The following RNF40 variants were observed in gnomAD, a reference collection of about 807,000 sequenced individuals.
RNF40 encodes ring finger protein 40, also known as E3 ubiquitin-protein ligase BRE1B.
Under a neutral mutation model 123.3 loss-of-function variants are expected in RNF40, and 39 were observed. The ratio of observed to expected loss-of-function variants is 0.32; its 90% confidence interval spans 0.24 to 0.41. The LOEUF (loss-of-function observed/expected upper bound fraction) is 0.41. Ranked by LOEUF, RNF40 falls within the 10% of genes least tolerant of loss-of-function variation. The pLI is 1.00. For synonymous variants in RNF40, 538 were observed against 526.0 expected, an observed-to-expected ratio of 1.02 and a Z score of -0.31; for missense variants, 1,003 against 1,319.9, an observed-to-expected ratio of 0.76 and a Z score of 3.72.
At position 30,762,616 on chromosome 16, in the gene RNF40, G is replaced by T; in HGVS notation, c.71G>T (p.Arg24Leu). ...GSGPPEKKLS[R>L]EEKTTTTLIE... ...GGGCCCCCGGAAAAGAAGCTGAGTC[G>T]TGAGGAGAAGACCACCACGACTCTT... Residue 24 changes from arginine to leucine, a missense_variant, in exon 2 of 20, where the codon CGT becomes CTT. Physicochemically the swap from Arg to Leu is moderately radical, Grantham distance 102 (BLOSUM62 -2). Transcript: ENST00000324685. The T allele has an allele frequency of 6.2e-7, 1 of 1,611,678 alleles. No individual in the cohort carries two copies. Among genetic ancestry groups the T allele is most frequent in the Non-Finnish European group, 8.5e-7 (1 of 1,179,720 alleles).
At position 30,773,994 on chromosome 16, in the gene RNF40, G is replaced by A. The variant is rs1299070809; in HGVS notation, c.2886G>A (p.Lys962=). ...GCAAGAAGGATGCAGTCCTTACCAA[G>A]TGCTTCCACGTTTTCTGCTTCGAGT... ...NTRKKDAVLT[K]CFHVFCFECV... Residue 962 remains lysine, a synonymous_variant, in exon 20 of 20, where the codon AAG becomes AAA. Transcript: ENST00000324685. The A allele has an allele frequency of 1.2e-6, 2 of 1,614,104 alleles. No individual in the cohort carries two copies.
At chr16:30,764,093 G>C in intron 4 of RNF40, 86 bp from the exon 5 acceptor site, 6 of 1,044,668 alleles carry the variant, frequency 5.7e-6, no homozygotes, top group Non-Finnish European at 8.4e-6. Context: ...TGAACCATGA[G>C]TATTGAAGGG....
In RNF40 at chr16:30,767,936, A is replaced by C; in HGVS notation, c.1472A>C (p.Gln491Pro). 1 of 1,614,178 alleles carries C rather than the reference A, an allele frequency of 6.2e-7. No individual in the cohort carries two copies. Among genetic ancestry groups the C allele is most frequent in the South Asian group, 1.1e-5 (1 of 91,088 alleles). The change falls in exon 12 of 20, where the codon CAA (glutamine) becomes CCA (proline). Residue 491 changes from glutamine (Q) to proline (P), a missense_variant. Gln to Pro is a moderately conservative substitution (Grantham distance 76). Coordinates refer to ENST00000324685, the MANE Select transcript of RNF40 (RefSeq NM_014771.4). ...REMRHLISSLQNHNHQLKGDA... is the reference protein window; with the variant it reads ...REMRHLISSLPNHNHQLKGDA... ...ATGCGCCACCTGATTAGTAGTCTTC[A>C]AAACCACAACCACCAGCTAAAAGGG...
At position 30,774,072 on chromosome 16, in the gene RNF40, G is replaced by A. The variant is rs79828087; in HGVS notation, c.2964G>A (p.Ala988=). ...ARQRKCPKCN[A]AFGAHDFHRI... is the part of the protein sequence containing the mutation. ...AGAGGAAGTGCCCCAAGTGCAACGC[G>A]GCCTTTGGTGCCCACGACTTCCATC... Residue 988 remains alanine (A), a synonymous_variant, in exon 20 of 20, where the codon GCG becomes GCA. Transcript: ENST00000324685. The A allele has an allele frequency of 2.3e-5, 37 of 1,614,018 alleles. No individual in the cohort carries two copies. In the East Asian group the frequency reaches 3.3e-4, roughly 15 times the overall value.
Position 30,769,563 on chromosome 16 carries a change from C to T in RNF40, c.2549C>T (p.Thr850Met), listed in dbSNP as rs1179567619. Residue 850 changes from threonine to methionine, a missense_variant, in exon 17 of 20, where the codon ACG (threonine) becomes ATG (methionine). Thr to Met is a moderately conservative substitution (Grantham distance 81). Coordinates refer to ENST00000324685, the MANE Select transcript of RNF40 (RefSeq NM_014771.4). ...CTCGGGGGTGTGGAGAAGGAGCTGA[C>T]GCTGCGCAGCCAAGCCCTGGAGCTC... The part of the protein sequence containing the change: ...GSLGGVEKEL[T>M]LRSQALELNK... The T allele has an allele frequency of 5.6e-6, 9 of 1,606,948 alleles. No individual in the cohort carries two copies. Among genetic ancestry groups the T allele is most frequent in the South Asian group, 2.2e-5 (2 of 90,182 alleles).
chr16:30,762,284 G>C (rs3812999), upstream of RNF40: 3 of 453,442 alleles, frequency 6.6e-6, no homozygotes, highest in Admixed American at 4.3e-5. Flanking sequence ...CGTTGGGGGG[G>C]GGGCAGTGGC....
At position 30,768,172 on chromosome 16, in the gene RNF40, A is replaced by G; in HGVS notation, c.1621A>G (p.Ser541Gly). Residue 541 changes from serine to glycine, a missense_variant, in exon 13 of 20, where the codon AGT becomes GGT. This residue lies in a region of RNF40 where 295 missense variants were observed against 331.7 expected (regional missense o/e 0.89). Coordinates refer to ENST00000324685, the MANE Select transcript of RNF40 (RefSeq NM_014771.4). This position sits in a 1 kb window ranked among gnomAD's most constrained non-coding sequence, Gnocchi z 4.1. Reference sequence around the variant, plus strand: ...GGGCCACCCAGAGGATTCTGGCGTCAGTGCCCCAGCCCCAGGGAAAGAGGA... The same window carrying G: ...GGGCCACCCAGAGGATTCTGGCGTCGGTGCCCCAGCCCCAGGGAAAGAGGA... Reference protein sequence around the residue: ...NLGHPEDSGVSAPAPGKEEGG... With the variant: ...NLGHPEDSGVGAPAPGKEEGG... The G allele has an allele frequency of 6.2e-7, 1 of 1,611,708 alleles. No homozygotes were observed. The highest frequency in any genetic ancestry group is 8.5e-7 in the Non-Finnish European group (1 of 1,178,942).
intron 17 of RNF40, 51 bp from the exon 18 acceptor site, chr16:30,771,782 C>A: frequency 6.6e-7 from 1 of 1,511,186 alleles, no homozygotes; most frequent in South Asian, 1.3e-5. Context: ...CTCCACATGC[C>A]TGAGTCACCA....
upstream of RNF40, chr16:30,762,299 AGTGACGCCCAGTGACGTCCG>A (rs1414472363): frequency 2.1e-6 from 1 of 471,768 alleles, no homozygotes; most frequent in African/African-American, 2.1e-5. Flanking sequence ...AGTGGCGTCC[AGTGACGCCCAGTGACGTCCG>A]GTGAAATCCA....
In RNF40 at chr16:30,769,544, G is replaced by A. The variant is rs1483581241; in HGVS notation, c.2530G>A (p.Gly844Ser). The change falls in exon 17 of 20, where the codon GGT (glycine) becomes AGT (serine). Residue 844 changes from glycine (G) to serine (S), a missense_variant. This residue lies in a region of RNF40 where 121 missense variants were observed against 125.3 expected (regional missense o/e 0.97). Transcript: ENST00000324685. ...KERALQGSLG[G>S]VEKELTLRSQ... Reference sequence around the variant, plus strand: ...GCGAGCCTTGCAGGGCAGCCTCGGGGGTGTGGAGAAGGAGCTGACGCTGCG... The same window carrying A: ...GCGAGCCTTGCAGGGCAGCCTCGGGAGTGTGGAGAAGGAGCTGACGCTGCG... The A allele has an allele frequency of 2.5e-6, 4 of 1,611,944 alleles. No homozygotes were observed. In the South Asian group the frequency reaches 4.4e-5, roughly 18 times the overall value.
chr16:30,774,701 C>G lies in RNF40; in HGVS notation c.*587C>G. 3.1e-6 allele frequency: 1 copy of G among 323,870 alleles called. No homozygotes were observed. Among genetic ancestry groups the G allele is most frequent in the South Asian group, 2.5e-5 (1 of 40,152 alleles). 20.1% of individuals were successfully genotyped at this position (323,870 alleles called of 1,614,324 possible). ...GTACCCTCTTGGCAGATGGGGGCAT[C>G]ACTTGCTTCCTTTGGGAAGCTCTAA... On this transcript the variant is annotated 3_prime_UTR_variant, in exon 20 of 20. Transcript: ENST00000324685.
chr16:30,769,390 A>G lies in RNF40; in HGVS notation c.2452A>G (p.Lys818Glu). 2 of 1,614,218 alleles carry G rather than the reference A, an allele frequency of 1.2e-6. No homozygotes were observed. The highest frequency in any genetic ancestry group is 1.7e-6 in the Non-Finnish European group (2 of 1,180,042). ...GTTGGGCGAGCAGGTCCTTGGCCTC[A>G]AGTCCCAGGTATGGCCGCCGCCAGC... ...DELGEQVLGL[K>E]SQVDAQLLTV... Residue 818 changes from lysine (K) to glutamate (E), a missense_variant, in exon 16 of 20, where the codon AAG (lysine) becomes GAG (glutamate). Around this residue, in one of 11 missense-constraint regions of RNF40, gnomAD observed 121 missense variants for 125.3 expected, o/e 0.97. Transcript: ENST00000324685.
intron 1 of RNF40, 46 bp downstream of exon 1, chr16:30,762,406 C>T (rs920678993): frequency 3.4e-6 from 3 of 890,262 alleles, no homozygotes; most frequent in African/African-American, 1.7e-5. Flanking sequence ...CAGGTGTGTG[C>T]AGGGTGGAGG....
rs542646876 is a variant in RNF40 at position 30,774,286 on chromosome 16, C to G, written c.*172C>G. The G allele has an allele frequency of 4.7e-6, 3 of 634,592 alleles. No homozygotes were observed. The highest frequency in any genetic ancestry group is 1.8e-5 in the African/African-American group (1 of 54,638). The allele number at this position is 634,592 out of a possible 1,614,324, so 39.3% of individuals were successfully genotyped here. A position where few individuals can be genotyped will look rare whatever the true frequency, so the allele number is the denominator to read the frequency against. On this transcript the variant is annotated 3_prime_UTR_variant, in exon 20 of 20. Coordinates refer to ENST00000324685, the MANE Select transcript of RNF40 (RefSeq NM_014771.4). ...TGCATGCTAGTGGGCATGGGATCAG[C>G]CAAGCTTCGTTCCATCTTTTCCTAA...
chr16:30,772,605 G>T (rs1054401722), intron 19 of RNF40, among the ~76,000 whole-genome samples: 1 of 152,242 alleles, frequency 6.6e-6, no homozygotes, highest in African/African-American at 2.4e-5. Flanking sequence ...AGACGTGGCT[G>T]TGAGGAACGG....
Position 30,763,297 on chromosome 16 carries a change from C to CT in RNF40, c.300+13dup, listed in dbSNP as rs749793906. 2.5e-6 allele frequency: 4 copies of CT among 1,613,650 alleles called. No homozygotes were observed. The highest frequency in any genetic ancestry group is 3.4e-6 in the Non-Finnish European group (4 of 1,179,540). ...GCTACTGGGCCCAGGTGGATACCTT[C>CT]TGCTTTCAAAGACCAGGCCTTGATT... On this transcript the variant is annotated intron_variant, in intron 3 of 19. Transcript: ENST00000324685.
rs2054214719 is a variant in RNF40, at chr16:30,775,348, T to G, written c.*1234T>G. ...CCTGAAGGGGAGAGCGTGGTGGTCG[T>G]CGCGGAGCCGCCTGTCCTGCTCCCA... On this transcript the variant is annotated 3_prime_UTR_variant, in exon 20 of 20. Coordinates refer to ENST00000324685, the MANE Select transcript of RNF40 (RefSeq NM_014771.4). 2 of 284,354 alleles carry G rather than the reference T, an allele frequency of 7.0e-6. No individual in the cohort carries two copies. The highest frequency in any genetic ancestry group is 5.0e-5 in the Admixed American group (1 of 20,086). 17.6% of individuals were successfully genotyped at this position (284,354 alleles called of 1,614,324 possible).
At position 30,762,594 on chromosome 16, in the gene RNF40, C is replaced by A. The variant is rs764621951; in HGVS notation, c.49C>A (p.Pro17Thr). ...CGCCGCCGGCGACGGGGGCTCAGGG[C>A]CCCCGGAAAAGAAGCTGAGTCGTGA... ...KRAAGDGGSGPPEKKLSREEK... is the reference protein window; with the variant it reads ...KRAAGDGGSGTPEKKLSREEK... Residue 17 changes from proline (P) to threonine (T), a missense_variant, in exon 2 of 20, where the codon CCC (proline) becomes ACC (threonine). Around this residue, in one of 11 missense-constraint regions of RNF40, gnomAD observed 51 missense variants for 56.2 expected, o/e 0.91. Coordinates refer to ENST00000324685, the MANE Select transcript of RNF40 (RefSeq NM_014771.4). 1.2e-6 allele frequency: 2 copies of A among 1,606,378 alleles called. No individual in the cohort carries two copies. The highest frequency in any genetic ancestry group is 2.2e-5 in the South Asian group (2 of 90,494).
At chr16:30,769,660 G>A (rs976832460) in intron 17 of RNF40, 60 bp downstream of exon 17, 126 of 1,467,338 alleles carry the variant, frequency 8.6e-5, no homozygotes, top group Non-Finnish European at 1.1e-4. Context: ...TCACCTTCCG[G>A]TTCTGCTCAG....
Sources: allele counts gnomAD v4.1 joint callset (sites outside exome capture counted in the v4.1 genomes callset), GRCh38; gene constraint gnomAD v4.1.1; regional missense constraint gnomAD v4.1.1; non-coding constraint Gnocchi (gnomAD v3.1); transcripts MANE v1.5; gene names NCBI Gene and HGNC (gene_info 2026-07-23, HGNC 2026-07-21).